The following DIAPH1 variants were observed in gnomAD, a reference collection of about 807,000 sequenced individuals.
The protein encoded by DIAPH1 is protein diaphanous homolog 1.
DIAPH1 carries 46 observed loss-of-function variants against 140.7 expected under a neutral mutation model. The observed-to-expected ratio is 0.33, with a 90% CI of 0.26 to 0.42. DIAPH1 has a LOEUF of 0.42. DIAPH1 is among the 10% of genes least tolerant of loss of function. The pLI is 1.00. For missense variants in DIAPH1, 1,310 were observed against 1,558.7 expected, an observed-to-expected ratio of 0.84 and a Z score of 2.69; for synonymous variants, 565 against 551.6, an observed-to-expected ratio of 1.02 and a Z score of -0.34.
intron 18 of DIAPH1, among the ~76,000 whole-genome samples, chr5:141,555,075 T>C (rs1204002499): frequency 6.6e-6 from 1 of 152,172 alleles, no homozygotes; most frequent in Non-Finnish European, 1.5e-5. Context: ...TAATGCTGCA[T>C]AATGAGTTGT....
chr5:141,524,271 GAGC>G (rs2099886966), intron 26 of DIAPH1, 42 bp from the exon 27 acceptor site: 1 of 1,564,270 alleles, frequency 6.4e-7, no homozygotes, highest in South Asian at 1.1e-5. Flanking sequence ...TCTTCAGCCA[GAGC>G]AGCATGGCAA....
At chr5:141,582,108 C>T in intron 7 of DIAPH1, 1 of 417,420 alleles carries the variant, frequency 2.4e-6, no homozygotes. Flanking sequence ...CAAAATTGAG[C>T]CTGTCCTCTG....
chr5:141,615,370 T>C (rs781226004), intron 1 of DIAPH1, among the ~76,000 whole-genome samples: 26 of 141,562 alleles, frequency 1.8e-4, no homozygotes, highest in Non-Finnish European at 3.3e-4. Context: ...GAGGTGGAGG[T>C]TGCAGTGAGC....
At chr5:141,528,147 G>A (rs775099220) in intron 23 of DIAPH1, among the ~76,000 whole-genome samples, 6 of 152,036 alleles carry the variant, frequency 3.9e-5, no homozygotes, top group African/African-American at 7.2e-5. Flanking sequence ...CCTAATTTTT[G>A]TTAATGTAGT....
chr5:141,556,276 G>A (rs1596362745), intron 18 of DIAPH1, among the ~76,000 whole-genome samples: 1 of 152,084 alleles, frequency 6.6e-6, no homozygotes, highest in East Asian at 1.9e-4. Flanking sequence ...AATTCATTGA[G>A]TCTTACCAGG....
chr5:141,584,580 G>A (rs1407310946), intron 3 of DIAPH1, among the ~76,000 whole-genome samples: 2 of 152,158 alleles, frequency 1.3e-5, no homozygotes, highest in Non-Finnish European at 2.9e-5. Context: ...AGCACTGGAT[G>A]AATGGCATAA....
chr5:141,528,562 T>C lies in DIAPH1; in HGVS notation c.3039A>G (p.Thr1013=). 6.2e-7 allele frequency: 1 copy of C among 1,614,228 alleles called. No individual in the cohort carries two copies. The highest frequency in any genetic ancestry group is 8.5e-7 in the Non-Finnish European group (1 of 1,180,038). Residue 1013 remains threonine (T), a synonymous_variant, in exon 23 of 28, where the codon ACA becomes ACG. Transcript: ENST00000389054. ...FLCKLRDTKS[T]DQKMTLLHFL... ...AGTGTAACAACGTCATCTTCTGATC[T>C]GTGGACTTGGTGTCTCGAAGCTTAG...
chr5:141,602,704 A>C (rs2099900354), intron 1 of DIAPH1, among the ~76,000 whole-genome samples: 1 of 152,218 alleles, frequency 6.6e-6, no homozygotes, highest in South Asian at 2.1e-4. Flanking sequence ...GTTAAATAAT[A>C]TATGATGGAA....
intron 2 of DIAPH1, 41 bp downstream of exon 2, chr5:141,588,183 A>G: frequency 1.3e-6 from 2 of 1,545,594 alleles, no homozygotes; most frequent in Non-Finnish European, 1.8e-6. Context: ...TAGTGTAGGC[A>G]ATGAGCTAGA....
At chr5:141,566,126 T>C (rs2099894333) in intron 18 of DIAPH1, among the ~76,000 whole-genome samples, 1 of 152,172 alleles carries the variant, frequency 6.6e-6, no homozygotes, top group Non-Finnish European at 1.5e-5. Context: ...ACAAATGGAT[T>C]AGCGGGGCTG....
In DIAPH1 at chr5:141,618,869, C is replaced by A; in HGVS notation, c.46G>T (p.Asp16Tyr). 6.6e-7 allele frequency: 1 copy of A among 1,524,398 alleles called. No homozygotes were observed. The highest frequency in any genetic ancestry group is 2.7e-5 in the East Asian group (1 of 37,126). 94.4% of individuals were successfully genotyped at this position (1,524,398 alleles called of 1,614,324 possible). ...GSLGPGRGTRDKKKGRSPDEL... is the reference protein window; with the variant it reads ...GSLGPGRGTRYKKKGRSPDEL... ...TCTGGGCTCCGGCCCTTCTTCTTGT[C>A]CCGGGTCCCGCGGCCGGGCCCCAGG... The change falls in exon 1 of 28, where the codon GAC becomes TAC. Residue 16 changes from aspartate to tyrosine, a missense_variant. Physicochemically the swap from Asp to Tyr is radical, Grantham distance 160. Coordinates refer to ENST00000389054, the MANE Select transcript of DIAPH1 (RefSeq NM_005219.5).
chr5:141,542,887 T>C (rs1484015760), intron 18 of DIAPH1, among the ~76,000 whole-genome samples: 3 of 152,334 alleles, frequency 2.0e-5, no homozygotes, highest in East Asian at 3.9e-4. Flanking sequence ...TTGTCTTACA[T>C]GTTTAAAAAC....
In DIAPH1 at chr5:141,565,111, G is replaced by A. The variant is rs2099894176; in HGVS notation, c.2482+6317C>T. On this transcript the variant is annotated intron_variant, in intron 18 of 27. Coordinates refer to ENST00000389054, the MANE Select transcript of DIAPH1 (RefSeq NM_005219.5). This position sits in a 1 kb window ranked among gnomAD's most constrained non-coding sequence, Gnocchi z 4.3. ...TAATAAAAAAATGGAAAACTTATTT[G>A]TATTATATGACAGAATACAACTATC... The A allele has an allele frequency of 6.6e-6, 1 of 152,058 alleles. No individual in the cohort carries two copies. The highest frequency in any genetic ancestry group is 2.1e-4 in the South Asian group (1 of 4,822). The allele number at this position is 152,058 out of a possible 1,614,324, so 9.4% of individuals were successfully genotyped here.
chr5:141,576,731 G>A (rs1338888890), intron 13 of DIAPH1, 25 bp downstream of exon 13: 21 of 1,420,374 alleles, frequency 1.5e-5, no homozygotes, highest in East Asian at 2.3e-5. Flanking sequence ...ATACTTGGAG[G>A]AGCCAGATAG....
chr5:141,560,908 G>A (rs1376449764), intron 18 of DIAPH1: 1 of 455,762 alleles, frequency 2.2e-6, no homozygotes, highest in Admixed American at 2.4e-5. Context: ...TGTTCCTGAG[G>A]TGGAAGCCAG....
intron 1 of DIAPH1, among the ~76,000 whole-genome samples, chr5:141,590,741 TAA>T (rs11387857): frequency 2.8e-5 from 4 of 143,390 alleles, no homozygotes; most frequent in African/African-American, 2.6e-5. Flanking sequence ...AGCTTAAGTT[TAA>T]AAAAAAAAAA....
intron 1 of DIAPH1, among the ~76,000 whole-genome samples, chr5:141,599,794 C>T (rs1049124701): frequency 2.0e-5 from 3 of 152,200 alleles, no homozygotes; most frequent in African/African-American, 7.2e-5. Flanking sequence ...GATGTACACA[C>T]CCTGTATAAT....
At chr5:141,534,033 C>CAAAAA (rs35815835) in intron 19 of DIAPH1, among the ~76,000 whole-genome samples, 11 of 49,974 alleles carry the variant, frequency 2.2e-4, no homozygotes, top group African/African-American at 5.9e-4. Context: ...GACTGTGTCT[C>CAAAAA]AAAAAAAAAA....
intron 20 of DIAPH1, 57 bp downstream of exon 20, chr5:141,529,546 G>T: frequency 7.4e-7 from 1 of 1,347,330 alleles, no homozygotes. Context: ...ACAGAGATGA[G>T]GCCAGTGCCC....
Sources: allele counts gnomAD v4.1 joint callset (sites outside exome capture counted in the v4.1 genomes callset), GRCh38; gene constraint gnomAD v4.1.1; non-coding constraint Gnocchi (gnomAD v3.1); transcripts MANE v1.5; gene names NCBI Gene and HGNC (gene_info 2026-07-23, HGNC 2026-07-21).